The following WDR93 variants were observed in gnomAD, a reference collection of about 807,000 sequenced individuals.
WDR93 encodes the protein WD repeat-containing protein 93.
Under a neutral mutation model 82.9 loss-of-function variants are expected in WDR93, and 73 were observed. The observed-to-expected ratio is 0.88, with a 90% confidence interval of 0.73 to 1.07. WDR93 has a LOEUF of 1.07. WDR93 is among the 50% of genes least tolerant of loss of function. WDR93 has a pLI of 0.00. For synonymous variants in WDR93, 283 were observed against 300.1 expected (o/e 0.94, Z 0.59); for missense variants, 738 against 826.0 (o/e 0.89, Z 1.31).
chr15:89,714,773 GA>G (rs1473221702), intron 5 of WDR93, among the ~76,000 whole-genome samples: 1 of 152,182 alleles, frequency 6.6e-6, no homozygotes, highest in Admixed American at 6.5e-5. Flanking sequence ...GGGTTGAGGG[GA>G]TAACTCTCCA....
intron 4 of WDR93, among the ~76,000 whole-genome samples, chr15:89,709,340 T>A (rs1015950110): frequency 1.3e-5 from 2 of 152,104 alleles, no homozygotes; most frequent in East Asian, 1.9e-4. Flanking sequence ...TTATTTATTT[T>A]TTGCCTGTTA....
chr15:89,730,322 CAAAAAAAAAA>C (rs370652070), intron 11 of WDR93, among the ~76,000 whole-genome samples: 2 of 123,482 alleles, frequency 1.6e-5, no homozygotes, highest in African/African-American at 6.1e-5. Flanking sequence ...AAGACTATCT[CAAAAAAAAAA>C]AAAAAAAAAA....
In WDR93 at chr15:89,727,375, T is replaced by C. The variant is rs887683570; in HGVS notation, c.1052+47T>C. 9.4e-6 allele frequency: 15 copies of C among 1,594,516 alleles called. No individual in the cohort carries two copies. In the Admixed American group the frequency reaches 1.5e-4, roughly 16 times the overall value. ...AAGCCAGGGAGCATCCCCAGGCTTC[T>C]GCTGTCTTGGCACATGCAGGAATCA... On this transcript the variant is annotated intron_variant, in intron 9 of 16. Transcript: ENST00000268130.
rs1177405888 is a variant in WDR93 at position 89,712,394 on chromosome 15, A to ATATT, written c.640+291_640+292insATTT. 1.8e-4 allele frequency among the ~76,000 whole-genome samples: 11 copies of ATATT among 61,706 alleles called. No individual in the cohort carries two copies. The South Asian group carries it at 4.8e-3, about 27-fold the overall frequency. The allele number at this position is 61,706 out of a possible 152,430, so 40.5% of individuals were successfully genotyped here. A position where few individuals can be genotyped will look rare whatever the true frequency, so the allele number is the denominator to read the frequency against. ...TCGGATTTCACTAGTTTTTCCACTA[A>ATATT]TCTTTTTTTTTTTTTTTTTTTTTTT... is the stretch of plus-strand genomic sequence containing the variant. On this transcript the variant is annotated intron_variant, in intron 5 of 16. Transcript: ENST00000268130.
intron 5 of WDR93, 108 bp downstream of exon 5, chr15:89,712,212 C>G (rs8032220): frequency 0.43 from 393,969 of 913,710 alleles, 87,903 homozygotes; most frequent in African/African-American, 0.47. Context: ...ATTTTCAATT[C>G]AAAGAAGAGT....
At chr15:89,733,355 A>C in intron 13 of WDR93, 136 bp downstream of exon 13, 1 of 804,830 alleles carries the variant, frequency 1.2e-6, no homozygotes, top group Non-Finnish European at 1.9e-6. Flanking sequence ...GAGCTTCTGA[A>C]GATCACCAAT....
In WDR93 at chr15:89,720,333, T is replaced by C. The variant is rs887171232; in HGVS notation, c.796-1722T>C. Among the ~76,000 whole-genome samples, 9 of 151,936 alleles carry C rather than the reference T, an allele frequency of 5.9e-5. No homozygotes were observed. In the East Asian group the frequency reaches 1.7e-3, roughly 30 times the overall value. On this transcript the variant is annotated intron_variant, in intron 7 of 16. Transcript: ENST00000268130. ...TGTTGCTCAGACTGGAGTGCAGTGG[T>C]GCAATCTTGGCTCACTGCAACCTCT... is the stretch of plus-strand genomic sequence containing the variant.
chr15:89,717,037 TTTTC>T (rs1216312684), intron 7 of WDR93, 88 bp downstream of exon 7: 30 of 674,566 alleles, frequency 4.4e-5, no homozygotes, highest in South Asian at 4.1e-4. Flanking sequence ...TTTCTTTTCT[TTTTC>T]TTTCTTTTTT....
At chr15:89,709,917 G>T (rs902368751) in intron 4 of WDR93, among the ~76,000 whole-genome samples, 24 of 151,872 alleles carry the variant, frequency 1.6e-4, no homozygotes, top group Non-Finnish European at 1.8e-4. Context: ...TCCCAGTACT[G>T]TGGGAGGCTG....
intron 1 of WDR93, among the ~76,000 whole-genome samples, chr15:89,693,081 A>G (rs1011070089): frequency 6.6e-6 from 1 of 152,176 alleles, no homozygotes; most frequent in Non-Finnish European, 1.5e-5. Context: ...CACAATGTGA[A>G]TGTATTATAA....
intron 16 of WDR93, among the ~76,000 whole-genome samples, chr15:89,740,898 G>A (rs1208391662): frequency 6.6e-6 from 1 of 152,070 alleles, no homozygotes; most frequent in Non-Finnish European, 1.5e-5. Flanking sequence ...CCAGCACTTT[G>A]GGAGGCCAAG....
chr15:89,715,191 T>A, intron 6 of WDR93, 96 bp downstream of exon 6: 1 of 984,194 alleles, frequency 1.0e-6, no homozygotes, highest in Non-Finnish European at 1.5e-6. Context: ...ATGAGGCCTC[T>A]GGGCTATAAG....
intron 14 of WDR93, among the ~76,000 whole-genome samples, chr15:89,735,954 C>T (rs1005903072): frequency 1.3e-5 from 2 of 152,100 alleles, no homozygotes; most frequent in Admixed American, 6.5e-5. Flanking sequence ...CCACGTGTCC[C>T]GGGCACTGCA....
intron 10 of WDR93, 101 bp from the exon 11 acceptor site, chr15:89,729,582 C>T: frequency 1.1e-6 from 1 of 877,524 alleles, no homozygotes; most frequent in South Asian, 1.5e-5. Context: ...AGACTTCAAA[C>T]CAGCTTCTCT....
intron 1 of WDR93, among the ~76,000 whole-genome samples, chr15:89,694,120 A>G (rs1965034775): frequency 6.6e-6 from 1 of 152,060 alleles, no homozygotes; most frequent in Non-Finnish European, 1.5e-5. Flanking sequence ...CATGATTTTA[A>G]TTTGCATTTC....
At chr15:89,722,347 C>T (rs1345381333) in intron 8 of WDR93, among the ~76,000 whole-genome samples, 1 of 152,124 alleles carries the variant, frequency 6.6e-6, no homozygotes, top group African/African-American at 2.4e-5. Flanking sequence ...AGTTAACTAA[C>T]AGAATTGGAA....
rs1966840643 is a variant in WDR93, at chr15:89,729,104, A to G, written c.1123+11A>G. On this transcript the variant is annotated intron_variant, in intron 10 of 16. Transcript: ENST00000268130. Reference sequence around the variant, plus strand: ...TCAAGGGCCCCTCAGGTAAATGAACATGAAGTGGGTGGTTGTCCTAGCAAG... The same window carrying G: ...TCAAGGGCCCCTCAGGTAAATGAACGTGAAGTGGGTGGTTGTCCTAGCAAG... The G allele has an allele frequency of 1.2e-6, 2 of 1,613,146 alleles. No homozygotes were observed. Among genetic ancestry groups the G allele is most frequent in the African/African-American group, 1.3e-5 (1 of 74,988 alleles).
At chr15:89,742,409 C>T (rs757928552) in intron 16 of WDR93, among the ~76,000 whole-genome samples, 7 of 152,028 alleles carry the variant, frequency 4.6e-5, no homozygotes, top group Admixed American at 1.3e-4. Flanking sequence ...CACAACCCCA[C>T]TGACAGCCCC....
Position 89,732,682 on chromosome 15 carries a change from G to A in WDR93, c.1331-324G>A, listed in dbSNP as rs975413966. Among the ~76,000 whole-genome samples, 4 of 150,984 alleles carry A rather than the reference G, an allele frequency of 2.6e-5. No homozygotes were observed. The South Asian group carries it at 8.4e-4, about 32-fold the overall frequency. ...CAGCTGTGCCTCCCCCTGCCCATAC[G>A]CCTTTGCATCCCATGGTCAGCTGCG... On this transcript the variant is annotated intron_variant, in intron 12 of 16. Coordinates refer to ENST00000268130, the MANE Select transcript of WDR93 (RefSeq NM_020212.2).
Sources: gnomAD v4.1 joint callset for allele counts (sites outside exome capture counted in the v4.1 genomes callset) on GRCh38, gnomAD v4.1.1 for gene constraint, MANE v1.5 for transcripts, NCBI Gene and HGNC (gene_info 2026-07-23, HGNC 2026-07-21) for gene names.